The following TMEM132C variants were observed in gnomAD, a reference collection of about 807,000 sequenced individuals.
The protein encoded by TMEM132C is protein phosphatase 1, regulatory subunit 152.
Under a neutral mutation model 61.4 loss-of-function variants are expected in TMEM132C, and 29 were observed. That is an observed-to-expected ratio of 0.47 (90% confidence interval 0.35 to 0.64). The LOEUF (loss-of-function observed/expected upper bound fraction) is 0.64, where lower values mean the gene tolerates loss of function less well. Among genes scored for constraint, TMEM132C ranks in the 30% least tolerant of loss-of-function variants. TMEM132C has a pLI of 0.00. For missense variants in TMEM132C, 1,408 were observed against 1,476.9 expected (o/e 0.95, Z 0.76); for synonymous variants, 656 against 633.1 (o/e 1.04, Z -0.54).
At chr12:128,315,178 C>A (rs1200759807) in intron 1 of TMEM132C, among the ~76,000 whole-genome samples, 1 of 152,034 alleles carries the variant, frequency 6.6e-6, no homozygotes, top group Non-Finnish European at 1.5e-5. Flanking sequence ...GGGACATGCT[C>A]AGGCAGACAG....
At chr12:128,531,155 C>T (rs10161014) in intron 2 of TMEM132C, among the ~76,000 whole-genome samples, 35,939 of 152,044 alleles carry the variant, frequency 0.24, 5,442 homozygotes, top group East Asian at 0.4. Context: ...TAGCCCCTTG[C>T]TGGGGACCAG....
intron 4 of TMEM132C, among the ~76,000 whole-genome samples, chr12:128,638,939 TG>T (rs1954124279): frequency 4.0e-5 from 6 of 148,846 alleles, no homozygotes; most frequent in Non-Finnish European, 8.9e-5. Flanking sequence ...ATGGTGGTGA[TG>T]GTGATGATGG....
At chr12:128,650,854 A>G (rs1374881897) in intron 4 of TMEM132C, among the ~76,000 whole-genome samples, 1 of 152,188 alleles carries the variant, frequency 6.6e-6, no homozygotes, top group African/African-American at 2.4e-5. Context: ...TCCCATTTAC[A>G]TGGATGCAAA....
chr12:128,699,309 G>A (rs1284873464), intron 8 of TMEM132C, among the ~76,000 whole-genome samples: 3 of 152,188 alleles, frequency 2.0e-5, no homozygotes, highest in Admixed American at 6.5e-5. Flanking sequence ...GGCTCAGCTG[G>A]GTTCATGCCC....
At chr12:128,654,026 G>T (rs115366297) in intron 4 of TMEM132C, among the ~76,000 whole-genome samples, 2 of 152,124 alleles carry the variant, frequency 1.3e-5, no homozygotes, top group Non-Finnish European at 2.9e-5. Flanking sequence ...TGTCAAATGT[G>T]GCAATGATTT....
intron 2 of TMEM132C, among the ~76,000 whole-genome samples, chr12:128,442,409 CT>C (rs1350949131): frequency 1.3e-5 from 2 of 152,198 alleles, no homozygotes; most frequent in Non-Finnish European, 2.9e-5. Context: ...TTAGAACCAT[CT>C]GGAGAGAGAG....
chr12:128,579,035 C>T (rs897985480), intron 3 of TMEM132C, among the ~76,000 whole-genome samples: 10 of 152,206 alleles, frequency 6.6e-5, no homozygotes, highest in Non-Finnish European at 1.2e-4. Context: ...AACAATTGAA[C>T]CAACTTCCTG....
intron 4 of TMEM132C, among the ~76,000 whole-genome samples, chr12:128,658,511 CT>C (rs61356889): frequency 0.045 from 6,755 of 148,568 alleles, 179 homozygotes; most frequent in Middle Eastern, 0.097. Context: ...AAGACATGAT[CT>C]TTTTTTTTTT....
At chr12:128,461,309 G>A (rs1870525427) in intron 2 of TMEM132C, among the ~76,000 whole-genome samples, 1 of 152,170 alleles carries the variant, frequency 6.6e-6, no homozygotes, top group Non-Finnish European at 1.5e-5. Flanking sequence ...AAGGAGCATT[G>A]TGGGTGGGGG....
intron 3 of TMEM132C, among the ~76,000 whole-genome samples, chr12:128,611,563 A>C (rs1464474380): frequency 6.6e-6 from 1 of 152,148 alleles, no homozygotes; most frequent in Non-Finnish European, 1.5e-5. Context: ...GCAGTTGGAG[A>C]ATCACCACAT....
chr12:128,562,670 C>T (rs777388749), intron 3 of TMEM132C, among the ~76,000 whole-genome samples: 2 of 152,182 alleles, frequency 1.3e-5, no homozygotes, highest in Admixed American at 6.5e-5. Flanking sequence ...CTGCATGCCT[C>T]GCCTTCCTCC....
chr12:128,401,673 C>T (rs1875162846), intron 1 of TMEM132C, among the ~76,000 whole-genome samples: 1 of 152,146 alleles, frequency 6.6e-6, no homozygotes, highest in Non-Finnish European at 1.5e-5. Flanking sequence ...TGCCCTTCTC[C>T]CAGTTATTTA....
intron 1 of TMEM132C, among the ~76,000 whole-genome samples, chr12:128,319,762 G>A (rs1325623357): frequency 6.6e-6 from 1 of 151,504 alleles, no homozygotes; most frequent in African/African-American, 2.4e-5. Context: ...GGAGGTGGAG[G>A]TTGCAGTGAG....
At chr12:128,287,750 T>A (rs1871119144) in intron 1 of TMEM132C, among the ~76,000 whole-genome samples, 1 of 152,202 alleles carries the variant, frequency 6.6e-6, no homozygotes, top group Non-Finnish European at 1.5e-5. Flanking sequence ...AGAAAACTGA[T>A]TTTTTCTGTT....
At chr12:128,492,403 C>T (rs1871771286) in intron 2 of TMEM132C, among the ~76,000 whole-genome samples, 1 of 152,154 alleles carries the variant, frequency 6.6e-6, no homozygotes, top group African/African-American at 2.4e-5. Context: ...ATTTCTAGTT[C>T]TAGATCCCTG....
chr12:128,355,404 G>A (rs2135966326), intron 1 of TMEM132C, among the ~76,000 whole-genome samples: 1 of 152,198 alleles, frequency 6.6e-6, no homozygotes, highest in African/African-American at 2.4e-5. Flanking sequence ...GAGTTTCAAA[G>A]CTGGCACATG....
At chr12:128,675,893 A>G (rs1449233597) in intron 5 of TMEM132C, among the ~76,000 whole-genome samples, 2 of 146,248 alleles carry the variant, frequency 1.4e-5, no homozygotes, top group Non-Finnish European at 3.0e-5. Flanking sequence ...AAATAGATAG[A>G]TAGATAGATT....
At chr12:128,419,791 G>A (rs1683729) in intron 2 of TMEM132C, among the ~76,000 whole-genome samples, 72,344 of 151,908 alleles carry the variant, frequency 0.48, 17,594 homozygotes, top group South Asian at 0.74. Flanking sequence ...CTCAATTAAT[G>A]TGTACTGACC....
intron 2 of TMEM132C, among the ~76,000 whole-genome samples, chr12:128,532,671 C>T (rs1195151335): frequency 4.6e-5 from 6 of 129,680 alleles, no homozygotes; most frequent in Admixed American, 2.4e-4. Flanking sequence ...AAAAAAAGAG[C>T]AGTAGCCAAA....
Sources: gnomAD v4.1 joint callset for allele counts (sites outside exome capture counted in the v4.1 genomes callset) on GRCh38, gnomAD v4.1.1 for gene constraint, MANE v1.5 for transcripts, NCBI Gene and HGNC (gene_info 2026-07-23, HGNC 2026-07-21) for gene names.